Variants in RBBP5 observed in about 807,000 individuals in gnomAD.
The protein encoded by RBBP5 is RB binding protein 5, histone lysine methyltransferase complex subunit, also known as retinoblastoma-binding protein 5.
In RBBP5, 5 loss-of-function variants were observed where a neutral mutation model predicts 72.2. The ratio of observed to expected loss-of-function variants is 0.07; its 90% CI spans 0.04 to 0.15. The LOEUF (loss-of-function observed/expected upper bound fraction) is 0.15, where lower values mean the gene tolerates loss of function less well. Ranked by LOEUF, RBBP5 falls within the 10% of genes least tolerant of loss-of-function variation. The pLI is 1.00. For missense variants in RBBP5, 322 were observed against 652.2 expected (o/e 0.49, Z 5.51); for synonymous variants, 209 against 237.2 (o/e 0.88, Z 1.09).
chr1:205,097,174 G>C (rs2102273634), intron 11 of RBBP5, 152 bp downstream of exon 11: 2 of 787,080 alleles, frequency 2.5e-6, no homozygotes, highest in East Asian at 5.4e-5. Flanking sequence ...AGAGAAGAAA[G>C]GCTACATTGG....
intron 12 of RBBP5, among the ~76,000 whole-genome samples, chr1:205,095,862 TAAG>T (rs1558571874): frequency 6.6e-6 from 1 of 151,930 alleles, no homozygotes; most frequent in Non-Finnish European, 1.5e-5. Flanking sequence ...ATCAGGAAAA[TAAG>T]TAGTTGCAAA....
At chr1:205,112,484 C>G (rs979230127) in intron 3 of RBBP5, among the ~76,000 whole-genome samples, 1 of 151,998 alleles carries the variant, frequency 6.6e-6, no homozygotes, top group African/African-American at 2.4e-5. Context: ...GTATATGTAC[C>G]TGTATGCAAA....
intron 3 of RBBP5, among the ~76,000 whole-genome samples, chr1:205,106,139 A>G (rs1656055850): frequency 6.6e-6 from 1 of 152,216 alleles, no homozygotes. Flanking sequence ...GGATGTTATC[A>G]GCAGAGACCT....
intron 13 of RBBP5, among the ~76,000 whole-genome samples, chr1:205,089,337 A>C (rs1023773272): frequency 2.0e-5 from 3 of 152,226 alleles, no homozygotes; most frequent in Non-Finnish European, 4.4e-5. Flanking sequence ...GCTACTGTCT[A>C]CATTGCTATA....
chr1:205,098,953 C>T (rs756241567), intron 10 of RBBP5, 36 bp downstream of exon 10: 6 of 1,341,546 alleles, frequency 4.5e-6, no homozygotes, highest in Non-Finnish European at 6.1e-6. Context: ...ATCATTTTCC[C>T]TTTAGGAAAT....
At chr1:205,108,242 CAA>C (rs111583149) in intron 3 of RBBP5, among the ~76,000 whole-genome samples, 1 of 141,816 alleles carries the variant, frequency 7.1e-6, no homozygotes. Context: ...GAATCCGTCT[CAA>C]AAAAAAAAAA....
intron 13 of RBBP5, among the ~76,000 whole-genome samples, chr1:205,089,080 A>AT (rs1655237909): frequency 6.6e-6 from 1 of 152,142 alleles, no homozygotes. Flanking sequence ...TCAGAGTTCT[A>AT]TTTTTTCTAA....
chr1:205,111,425 T>A (rs1316286654), intron 3 of RBBP5, among the ~76,000 whole-genome samples: 1 of 152,192 alleles, frequency 6.6e-6, no homozygotes, highest in East Asian at 1.9e-4. Context: ...TGCAATAAAC[T>A]AACATGAAAA....
At chr1:205,107,094 A>G (rs1656101528) in intron 3 of RBBP5, among the ~76,000 whole-genome samples, 1 of 151,702 alleles carries the variant, frequency 6.6e-6, no homozygotes, top group African/African-American at 2.4e-5. Context: ...ATATACACAC[A>G]CACACACATA....
chr1:205,089,308 T>C (rs902200748), intron 13 of RBBP5, among the ~76,000 whole-genome samples: 1 of 152,182 alleles, frequency 6.6e-6, no homozygotes, highest in African/African-American at 2.4e-5. Context: ...ATCCCAAATA[T>C]GGTGAAATGT....
chr1:205,090,579 C>T (rs932486975), intron 13 of RBBP5, among the ~76,000 whole-genome samples: 1 of 152,174 alleles, frequency 6.6e-6, no homozygotes, highest in African/African-American at 2.4e-5. Flanking sequence ...AAGACTCCAG[C>T]CAATTTAAAG....
At chr1:205,112,164 A>T (rs1004640229) in intron 3 of RBBP5, among the ~76,000 whole-genome samples, 1 of 152,084 alleles carries the variant, frequency 6.6e-6, no homozygotes, top group African/African-American at 2.4e-5. Context: ...CTAAAAATAC[A>T]AAAATCAGCC....
intron 10 of RBBP5, among the ~76,000 whole-genome samples, chr1:205,097,834 T>C (rs1655674038): frequency 6.6e-6 from 1 of 151,988 alleles, no homozygotes; most frequent in Admixed American, 6.6e-5. Flanking sequence ...ATCACAAAAG[T>C]GAGGACCAGC....
chr1:205,109,047 A>G (rs1656196760), intron 3 of RBBP5, among the ~76,000 whole-genome samples: 1 of 152,176 alleles, frequency 6.6e-6, no homozygotes, highest in South Asian at 2.1e-4. Context: ...AGGCAGGGGT[A>G]AGCTAAGGTT....
intron 3 of RBBP5, among the ~76,000 whole-genome samples, chr1:205,108,386 C>A (rs1332214147): frequency 6.6e-6 from 1 of 152,082 alleles, no homozygotes; most frequent in East Asian, 1.9e-4. Flanking sequence ...AAGGGGACAA[C>A]AGGAAGGTAA....
At chr1:205,104,154 T>A (rs903357651) in intron 4 of RBBP5, 135 bp from the exon 5 acceptor site, 3 of 882,572 alleles carry the variant, frequency 3.4e-6, no homozygotes, top group East Asian at 5.1e-5. Flanking sequence ...TGAAAAAGCA[T>A]AAAATCCACA....
chr1:205,104,144 T>A, intron 4 of RBBP5, 125 bp from the exon 5 acceptor site: 2 of 989,890 alleles, frequency 2.0e-6, no homozygotes, highest in Non-Finnish European at 2.9e-6. Context: ...TTTGAAACAG[T>A]GAAAAAGCAT....
intron 1 of RBBP5, among the ~76,000 whole-genome samples, chr1:205,118,203 C>T (rs945264950): frequency 6.6e-6 from 1 of 152,186 alleles, no homozygotes; most frequent in Non-Finnish European, 1.5e-5. Context: ...CTCCTCTTAG[C>T]TCTATTTACG....
chr1:205,116,393 C>T (rs2102331399), intron 1 of RBBP5: 1 of 292,878 alleles, frequency 3.4e-6, no homozygotes, highest in Non-Finnish European at 7.1e-6. Context: ...TCTGGGGACC[C>T]TCTACTTCTT....
Sources: gnomAD v4.1 joint callset for allele counts (sites outside exome capture counted in the v4.1 genomes callset) on GRCh38, gnomAD v4.1.1 for gene constraint, MANE v1.5 for transcripts, NCBI Gene and HGNC (gene_info 2026-07-23, HGNC 2026-07-21) for gene names.